The following PPP3CA variants were observed in gnomAD, a reference collection of about 807,000 sequenced individuals.
PPP3CA encodes the protein protein phosphatase 3 catalytic subunit alpha, also known as CAM-PRP catalytic subunit.
PPP3CA carries 14 observed loss-of-function variants against 66.5 expected under a neutral mutation model. That is an observed-to-expected ratio of 0.21 (90% CI 0.14 to 0.33). PPP3CA has a LOEUF of 0.33. Among genes scored for constraint, PPP3CA ranks in the 10% least tolerant of loss-of-function variants. The pLI is 1.00. For missense variants in PPP3CA, 317 were observed against 639.5 expected (o/e 0.50, Z 5.44); for synonymous variants, 232 against 226.2 (o/e 1.03, Z -0.23).
chr4:101,229,190 G>C (rs1160807982), intron 1 of PPP3CA, among the ~76,000 whole-genome samples: 1 of 151,364 alleles, frequency 6.6e-6, no homozygotes, highest in African/African-American at 2.4e-5. Flanking sequence ...CAACCTAAGT[G>C]ACAAATTGAA....
At chr4:101,238,189 CA>C (rs1374276531) in intron 1 of PPP3CA, among the ~76,000 whole-genome samples, 4 of 151,958 alleles carry the variant, frequency 2.6e-5, no homozygotes, top group African/African-American at 9.7e-5. Context: ...CATAAGACAA[CA>C]GTAAAATTGA....
At chr4:101,322,105 T>C (rs1458093997) in intron 1 of PPP3CA, among the ~76,000 whole-genome samples, 1 of 152,216 alleles carries the variant, frequency 6.6e-6, no homozygotes, top group African/African-American at 2.4e-5. Flanking sequence ...AGTCACTCTC[T>C]TCACATAGCA....
chr4:101,301,798 C>T (rs1728385278), intron 1 of PPP3CA, among the ~76,000 whole-genome samples: 1 of 148,226 alleles, frequency 6.7e-6, no homozygotes, highest in Non-Finnish European at 1.5e-5. Context: ...GCTTTTAAAG[C>T]AGTATTATAT....
At chr4:101,058,350 A>C (rs559713659) in intron 10 of PPP3CA, among the ~76,000 whole-genome samples, 3 of 152,310 alleles carry the variant, frequency 2.0e-5, no homozygotes, top group African/African-American at 2.4e-5. Context: ...TAAATAACTT[A>C]ATGATGTTTA....
intron 2 of PPP3CA, among the ~76,000 whole-genome samples, chr4:101,148,402 G>A (rs1723034353): frequency 6.6e-6 from 1 of 151,972 alleles, no homozygotes; most frequent in African/African-American, 2.4e-5. Flanking sequence ...GCCGTAGTTA[G>A]GCTGTTTATT....
intron 1 of PPP3CA, among the ~76,000 whole-genome samples, chr4:101,247,408 C>A (rs1726521116): frequency 6.6e-6 from 1 of 151,996 alleles, no homozygotes; most frequent in Non-Finnish European, 1.5e-5. Context: ...GTGATTCTCC[C>A]ACCTCAGCCT....
At chr4:101,066,319 C>G (rs1728678414) in intron 8 of PPP3CA, among the ~76,000 whole-genome samples, 1 of 152,126 alleles carries the variant, frequency 6.6e-6, no homozygotes, top group African/African-American at 2.4e-5. Flanking sequence ...GAATCTGTCA[C>G]TAATTATTCA....
intron 2 of PPP3CA, among the ~76,000 whole-genome samples, chr4:101,127,930 G>A (rs1344557066): frequency 6.6e-6 from 1 of 152,180 alleles, no homozygotes. Context: ...CTGATAAGTA[G>A]CAGAGCTGGA....
intron 1 of PPP3CA, among the ~76,000 whole-genome samples, chr4:101,202,521 C>T (rs1339443231): frequency 1.3e-5 from 2 of 152,074 alleles, no homozygotes; most frequent in Non-Finnish European, 2.9e-5. Flanking sequence ...CAAAGATACA[C>T]AAAACATGCT....
In PPP3CA at chr4:101,106,437, GAAAGA is replaced by G. The variant is rs1730707039; in HGVS notation, c.384+2512_384+2516del. On this transcript the variant is annotated intron_variant, in intron 3 of 13. Transcript: ENST00000394854. The stretch of plus-strand genomic sequence containing the variant: ...AGAAAGAAAGAAAGAAAGAAAGAAA[GAAAGA>G]AAGAAAGAAAGAGAAAAGAAAAGAA... Among the ~76,000 whole-genome samples the G allele has an allele frequency of 1.4e-3, 17 of 12,146 alleles. 4 individuals are homozygous for G. Among genetic ancestry groups the G allele is most frequent in the African/African-American group, 4.5e-3 (17 of 3,778 alleles). 8.0% of individuals were successfully genotyped at this position (12,146 alleles called of 152,430 possible).
At chr4:101,202,493 G>A (rs912326338) in intron 1 of PPP3CA, among the ~76,000 whole-genome samples, 11 of 152,102 alleles carry the variant, frequency 7.2e-5, no homozygotes, top group Admixed American at 5.2e-4. Flanking sequence ...TTTATGCACA[G>A]AATGGATATT....
rs1302767612 is a variant in PPP3CA at position 101,025,177 on chromosome 4, A to G, written c.*688T>C. The G allele has an allele frequency of 6.6e-6, 1 of 152,524 alleles. No individual in the cohort carries two copies. Among genetic ancestry groups the G allele is most frequent in the African/African-American group, 2.4e-5 (1 of 41,434 alleles). 9.4% of individuals were successfully genotyped at this position (152,524 alleles called of 1,614,324 possible). A position where few individuals can be genotyped will look rare whatever the true frequency, so the allele number is the denominator to read the frequency against. ...CCATTGCCGAATTAAGAAGAAGATAAGTGTTATATGGAAAGAAGGGCATTC... is the reference window on the plus strand; with the variant it reads ...CCATTGCCGAATTAAGAAGAAGATAGGTGTTATATGGAAAGAAGGGCATTC... On this transcript the variant is annotated 3_prime_UTR_variant, in exon 14 of 14. Transcript: ENST00000394854.
At chr4:101,047,034 A>T (rs892017442) in intron 10 of PPP3CA, among the ~76,000 whole-genome samples, 1 of 152,204 alleles carries the variant, frequency 6.6e-6, no homozygotes, top group African/African-American at 2.4e-5. Flanking sequence ...TTGGGAAAAT[A>T]CATGTCCAAC....
At chr4:101,269,647 A>G (rs1448933732) in intron 1 of PPP3CA, among the ~76,000 whole-genome samples, 1 of 149,652 alleles carries the variant, frequency 6.7e-6, no homozygotes, top group African/African-American at 2.5e-5. Flanking sequence ...TCTTGGTATT[A>G]ATAGGCATTC....
chr4:101,106,458 A>AGAAAGAAAAG, intron 3 of PPP3CA, among the ~76,000 whole-genome samples: 1 of 32,676 alleles, frequency 3.1e-5, no homozygotes, highest in Non-Finnish European at 5.8e-5. Context: ...AGAAAGAGAA[A>AGAAAGAAAAG]AGAAAAGAAA....
chr4:101,093,406 G>GTT (rs148814688), intron 6 of PPP3CA, among the ~76,000 whole-genome samples: 39 of 142,636 alleles, frequency 2.7e-4, no homozygotes, highest in South Asian at 6.6e-4. Flanking sequence ...ATGTACATTT[G>GTT]TTTTTTTTTT....
intron 1 of PPP3CA, among the ~76,000 whole-genome samples, chr4:101,251,720 A>C (rs905749576): frequency 6.6e-6 from 1 of 152,152 alleles, no homozygotes; most frequent in African/African-American, 2.4e-5. Flanking sequence ...ATATATAATA[A>C]AAGTACATTC....
intron 2 of PPP3CA, among the ~76,000 whole-genome samples, chr4:101,112,970 C>T (rs1721722261): frequency 1.3e-5 from 2 of 152,066 alleles, no homozygotes; most frequent in African/African-American, 4.8e-5. Context: ...CTACGCTATG[C>T]TTAATTTGAA....
intron 1 of PPP3CA, among the ~76,000 whole-genome samples, chr4:101,240,049 G>GA (rs1306629528): frequency 1.0e-4 from 2 of 19,606 alleles, no homozygotes; most frequent in African/African-American, 3.0e-4. Flanking sequence ...TGGGGGGAGC[G>GA]GGGGGGAGGT....
Sources: gnomAD v4.1 joint callset for allele counts (sites outside exome capture counted in the v4.1 genomes callset) on GRCh38, gnomAD v4.1.1 for gene constraint, MANE v1.5 for transcripts, NCBI Gene and HGNC (gene_info 2026-07-23, HGNC 2026-07-21) for gene names.